CSMD1: variants seen among roughly 807,000 people sequenced by gnomAD.
CSMD1 encodes CUB and sushi domain-containing protein 1.
Under a neutral mutation model 417.5 loss-of-function variants are expected in CSMD1, and 213 were observed. The observed-to-expected ratio is 0.51, with a 90% CI of 0.46 to 0.57. The LOEUF (loss-of-function observed/expected upper bound fraction) is 0.57. Ranked by LOEUF, CSMD1 falls within the 20% of genes least tolerant of loss-of-function variation. The probability of loss-of-function intolerance (pLI) is 0.00; values close to 1 mark genes in which losing one functional copy is unlikely to be tolerated. For missense variants in CSMD1, 6,923 were observed against 4,529.7 expected (o/e 1.53, Z -15.17); for synonymous variants, 2,862 against 1,736.8 (o/e 1.65, Z -16.11).
rs1451579642 is a variant in CSMD1, at chr8:3,230,082, T to A, written c.4303A>T (p.Asn1435Tyr). The change falls in exon 27 of 70, where the codon AAT becomes TAT. Residue 1435 changes from asparagine to tyrosine, a missense_variant. Physicochemically the swap from Asn to Tyr is moderately radical, Grantham distance 143. Coordinates refer to ENST00000635120, the MANE Select transcript of CSMD1 (RefSeq NM_033225.6). ...GQAKITCVQL[N>Y]NRFFWQPDPP... is the part of the protein sequence containing the mutation. Reference sequence around the variant, plus strand: ...TCTGGTTGCCAAAAGAACCGGTTATTCAGCTGCACACAGGTGATTTTGGCT... The same window carrying A: ...TCTGGTTGCCAAAAGAACCGGTTATACAGCTGCACACAGGTGATTTTGGCT... 1.9e-6 allele frequency: 3 copies of A among 1,611,718 alleles called. No individual in the cohort carries two copies. The highest frequency in any genetic ancestry group is 2.5e-6 in the Non-Finnish European group (3 of 1,178,954).
Position 4,276,504 on chromosome 8 carries a change from G to A in CSMD1, c.415+143449C>T, listed in dbSNP as rs370381928. Among the ~76,000 whole-genome samples the A allele has an allele frequency of 5.1e-4, 78 of 152,262 alleles. 1 individual carries two copies. The highest frequency in any genetic ancestry group is 1.9e-3 in the African/African-American group (77 of 41,550). On this transcript the variant is annotated intron_variant, in intron 3 of 69. Transcript: ENST00000635120. ...AATACCTAATACAGATGACGGGTTA[G>A]TGGGTGCAGCAAACCACCATGGCAC...
chr8:4,755,509 G>A (rs1020543933), intron 1 of CSMD1, among the ~76,000 whole-genome samples: 4 of 152,012 alleles, frequency 2.6e-5, no homozygotes, highest in African/African-American at 9.7e-5. Context: ...TAAAATTGAT[G>A]TTTCCTGCTT....
intron 1 of CSMD1, among the ~76,000 whole-genome samples, chr8:4,890,837 G>C (rs1050681207): frequency 1.3e-5 from 2 of 152,100 alleles, no homozygotes; most frequent in African/African-American, 4.8e-5. Context: ...ATGTGTGTTT[G>C]CTTTAGTCAC....
At chr8:3,276,550 C>T (rs1000539922) in intron 26 of CSMD1, among the ~76,000 whole-genome samples, 3 of 152,160 alleles carry the variant, frequency 2.0e-5, no homozygotes, top group Non-Finnish European at 4.4e-5. Flanking sequence ...AAGACCTGCT[C>T]CCATGATTCG....
In CSMD1 at chr8:4,769,912, A is replaced by G. The variant is rs73661121; in HGVS notation, c.86-132354T>C. 4.4e-3 allele frequency among the ~76,000 whole-genome samples: 669 copies of G among 152,290 alleles called. 2 individuals carry two copies. The highest frequency in any genetic ancestry group is 0.016 in the African/African-American group (648 of 41,560). On this transcript the variant is annotated intron_variant, in intron 1 of 69. Coordinates refer to ENST00000635120, the MANE Select transcript of CSMD1 (RefSeq NM_033225.6). ...CCTTTAATAAAAATCATGAATCCTCATGATTAATTGGGATTAAAAATAAGA... is the reference window on the plus strand; with the variant it reads ...CCTTTAATAAAAATCATGAATCCTCGTGATTAATTGGGATTAAAAATAAGA...
intron 2 of CSMD1, among the ~76,000 whole-genome samples, chr8:4,503,755 C>G (rs1387086953): frequency 6.6e-6 from 1 of 152,034 alleles, no homozygotes; most frequent in Non-Finnish European, 1.5e-5. Context: ...GGAAGCTGGT[C>G]TGTCCTATGT....
intron 50 of CSMD1, among the ~76,000 whole-genome samples, chr8:3,035,144 A>G (rs1810588728): frequency 3.3e-5 from 5 of 152,220 alleles, no homozygotes; most frequent in Non-Finnish European, 5.9e-5. Flanking sequence ...TAACAAAAAT[A>G]TCTTAGCTAG....
chr8:4,249,385 C>G (rs890874334), intron 3 of CSMD1, among the ~76,000 whole-genome samples: 1 of 152,180 alleles, frequency 6.6e-6, no homozygotes, highest in African/African-American at 2.4e-5. Context: ...GCATATTCCA[C>G]AGAAAACAAC....
intron 7 of CSMD1, among the ~76,000 whole-genome samples, chr8:3,671,631 T>C (rs1585051354): frequency 3.4e-5 from 5 of 146,610 alleles, no homozygotes; most frequent in African/African-American, 2.5e-5. Context: ...CTGACTAATA[T>C]ACCATCTATT....
intron 12 of CSMD1, among the ~76,000 whole-genome samples, chr8:3,418,556 A>G (rs1432485697): frequency 6.6e-6 from 1 of 152,168 alleles, no homozygotes; most frequent in Non-Finnish European, 1.5e-5. Flanking sequence ...CGATTTGGGT[A>G]TATAAAAGCA....
At chr8:3,393,894 C>T (rs938561736) in intron 17 of CSMD1, among the ~76,000 whole-genome samples, 4 of 149,942 alleles carry the variant, frequency 2.7e-5, no homozygotes, top group Non-Finnish European at 5.9e-5. Flanking sequence ...ATGTAAATGA[C>T]GAGTTAATGG....
At chr8:3,041,952 A>C (rs1811127039) in intron 50 of CSMD1, among the ~76,000 whole-genome samples, 1 of 152,186 alleles carries the variant, frequency 6.6e-6, no homozygotes, top group East Asian at 1.9e-4. Context: ...AGAATATGTT[A>C]GTGATTATTG....
intron 3 of CSMD1, among the ~76,000 whole-genome samples, chr8:4,077,114 G>A (rs922021016): frequency 1.3e-5 from 2 of 151,514 alleles, no homozygotes; most frequent in Admixed American, 6.6e-5. Flanking sequence ...CTTCATTTTA[G>A]TGATGAGTAT....
At chr8:3,182,812 G>GT (rs1229288914) in intron 36 of CSMD1, among the ~76,000 whole-genome samples, 10 of 89,362 alleles carry the variant, frequency 1.1e-4, no homozygotes, top group South Asian at 1.1e-3. Context: ...GGATGGTCTC[G>GT]GGGGACTCTG....
chr8:3,321,850 A>T (rs1335008666), intron 23 of CSMD1, among the ~76,000 whole-genome samples: 2 of 152,202 alleles, frequency 1.3e-5, no homozygotes, highest in African/African-American at 4.8e-5. Flanking sequence ...ACACTTTCTG[A>T]TTTGTACAAA....
intron 5 of CSMD1, among the ~76,000 whole-genome samples, chr8:3,836,908 C>T (rs1272149855): frequency 6.6e-6 from 1 of 150,858 alleles, no homozygotes; most frequent in Admixed American, 6.6e-5. Context: ...TTTTTCAGGA[C>T]ATTATTTTCC....
chr8:3,796,331 G>C (rs369235703), intron 5 of CSMD1, among the ~76,000 whole-genome samples: 6 of 107,534 alleles, frequency 5.6e-5, no homozygotes, highest in Middle Eastern at 0.013. Context: ...ATCATGTATA[G>C]ATATAGATAT....
intron 41 of CSMD1, among the ~76,000 whole-genome samples, chr8:3,142,054 T>C (rs148910578): frequency 2.0e-3 from 310 of 152,026 alleles, no homozygotes; most frequent in South Asian, 0.014. Context: ...GCCTCGGCCT[T>C]CCAAAGTGCT....
At chr8:4,850,102 T>G (rs1801379173) in intron 1 of CSMD1, among the ~76,000 whole-genome samples, 1 of 152,184 alleles carries the variant, frequency 6.6e-6, no homozygotes, top group South Asian at 2.1e-4. Context: ...CTCATGGTGG[T>G]TTTGGATTGC....
Sources: gnomAD v4.1 joint callset for allele counts (sites outside exome capture counted in the v4.1 genomes callset) on GRCh38, gnomAD v4.1.1 for gene constraint, MANE v1.5 for transcripts, NCBI Gene and HGNC (gene_info 2026-07-23, HGNC 2026-07-21) for gene names.